CRYBG1: variants seen among roughly 807,000 people sequenced by gnomAD.
The protein encoded by CRYBG1 is beta/gamma crystallin domain-containing protein 1.
Under a neutral mutation model 189.2 loss-of-function variants are expected in CRYBG1, and 139 were observed. The observed-to-expected ratio is 0.73, with a 90% CI of 0.64 to 0.85. CRYBG1 has a LOEUF of 0.85. Ranked by LOEUF, CRYBG1 falls within the 40% of genes least tolerant of loss-of-function variation. The pLI, the probability that CRYBG1 is intolerant of heterozygous loss-of-function variation, is 0.00. For synonymous variants in CRYBG1, 1,023 were observed against 1,017.1 expected (o/e 1.01, Z -0.11); for missense variants, 2,611 against 2,675.8 (o/e 0.98, Z 0.53).
At chr6:106,407,977 G>C (rs1770856267) in intron 1 of CRYBG1, among the ~76,000 whole-genome samples, 1 of 151,634 alleles carries the variant, frequency 6.6e-6, no homozygotes, top group African/African-American at 2.4e-5. Context: ...GAAAAGCAAG[G>C]GCAAATAAAC....
chr6:106,563,344 G>A (rs1207439707), intron 20 of CRYBG1, among the ~76,000 whole-genome samples: 2 of 152,138 alleles, frequency 1.3e-5, no homozygotes, highest in Non-Finnish European at 2.9e-5. Flanking sequence ...GCCACCCAGT[G>A]CTACAAAATT....
chr6:106,468,318 A>C (rs1370925582), intron 2 of CRYBG1, among the ~76,000 whole-genome samples: 1 of 152,184 alleles, frequency 6.6e-6, no homozygotes, highest in Non-Finnish European at 1.5e-5. Context: ...AACGGCTGTC[A>C]AAGGGGTAGC....
chr6:106,440,639 C>T (rs574414461), intron 1 of CRYBG1, among the ~76,000 whole-genome samples: 7 of 152,278 alleles, frequency 4.6e-5, no homozygotes, highest in African/African-American at 1.7e-4. Flanking sequence ...CAGTTGATGG[C>T]TGTAAAGCCT....
chr6:106,415,589 G>A (rs114178801), intron 1 of CRYBG1, among the ~76,000 whole-genome samples: 7,802 of 152,034 alleles, frequency 0.051, 624 homozygotes, highest in African/African-American at 0.17. Flanking sequence ...AGCCAGGCAT[G>A]GTGGTATATA....
intron 3 of CRYBG1, among the ~76,000 whole-genome samples, chr6:106,518,894 G>A (rs1034316831): frequency 1.3e-5 from 2 of 152,024 alleles, no homozygotes; most frequent in Admixed American, 6.6e-5. Context: ...AGGAGTTCGA[G>A]GCTGCAGCAA....
intron 2 of CRYBG1, among the ~76,000 whole-genome samples, chr6:106,495,301 A>G (rs1772820364): frequency 6.6e-6 from 1 of 152,158 alleles, no homozygotes; most frequent in South Asian, 2.1e-4. Flanking sequence ...AGGATGAGAC[A>G]AGGGTAATTT....
intron 2 of CRYBG1, among the ~76,000 whole-genome samples, chr6:106,469,048 G>A (rs920805790): frequency 1.3e-5 from 2 of 152,148 alleles, no homozygotes; most frequent in Non-Finnish European, 2.9e-5. Context: ...CAGGCCCTGC[G>A]TGGCCTGGCT....
chr6:106,418,817 A>G (rs1771073794), intron 1 of CRYBG1, among the ~76,000 whole-genome samples: 1 of 152,236 alleles, frequency 6.6e-6, no homozygotes, highest in Admixed American at 6.5e-5. Flanking sequence ...AGTGAAAGAC[A>G]GAGAAAAGAG....
At chr6:106,567,434 C>A (rs1026363247) in intron 21 of CRYBG1, among the ~76,000 whole-genome samples, 26 of 152,210 alleles carry the variant, frequency 1.7e-4, no homozygotes, top group African/African-American at 6.3e-4. Flanking sequence ...TTTCCTTCCT[C>A]AACTATAATA....
intron 21 of CRYBG1, among the ~76,000 whole-genome samples, chr6:106,567,243 C>G (rs985454675): frequency 4.7e-5 from 7 of 148,992 alleles, no homozygotes; most frequent in Admixed American, 4.7e-4. Context: ...TGCTGTGTGT[C>G]TCTGTCTCGG....
In CRYBG1 at chr6:106,571,791, A is replaced by C; in HGVS notation, c.*3225A>C. ...AAGGAACAGCTTGAAAAAACTTCGA[A>C]TTTCTACTGACTACAGACAAATCCA... is the stretch of plus-strand genomic sequence containing the variant. On this transcript the variant is annotated 3_prime_UTR_variant, in exon 22 of 22. Transcript: ENST00000633556. 1 of 491,662 alleles carries C rather than the reference A, an allele frequency of 2.0e-6. No individual in the cohort carries two copies. The allele number at this position is 491,662 out of a possible 1,614,324, so 30.5% of individuals were successfully genotyped here.
chr6:106,394,363 A>C (rs188490368), intron 1 of CRYBG1, among the ~76,000 whole-genome samples: 1 of 152,294 alleles, frequency 6.6e-6, no homozygotes. Flanking sequence ...TCAATGTCTA[A>C]TTAATGTCTG....
At chr6:106,426,172 C>A (rs775704055) in intron 1 of CRYBG1, among the ~76,000 whole-genome samples, 4 of 152,186 alleles carry the variant, frequency 2.6e-5, no homozygotes, top group Non-Finnish European at 4.4e-5. Flanking sequence ...CCCGTGTCCT[C>A]AACTTTTCTC....
chr6:106,426,114 T>C lies in CRYBG1; in HGVS notation c.174-25580T>C, dbSNP rs532655736. Among the ~76,000 whole-genome samples the C allele has an allele frequency of 3.3e-5, 5 of 151,292 alleles. No individual in the cohort carries two copies. In the South Asian group the frequency reaches 8.3e-4, roughly 25 times the overall value. Reference sequence around the variant, plus strand: ...TGCTTTTTATTCTGAGAAAACTAAATATATCATATAGAATCCCACACCCAC... The same window carrying C: ...TGCTTTTTATTCTGAGAAAACTAAACATATCATATAGAATCCCACACCCAC... On this transcript the variant is annotated intron_variant, in intron 1 of 21. Transcript: ENST00000633556.
At position 106,535,093 on chromosome 6, in the gene CRYBG1, G is replaced by A. The variant is rs142069663; in HGVS notation, c.4719-4310G>A. Among the ~76,000 whole-genome samples, 750 of 152,218 alleles carry A rather than the reference G, an allele frequency of 4.9e-3. 7 individuals are homozygous for A. The highest frequency in any genetic ancestry group is 0.017 in the African/African-American group (726 of 41,518). On this transcript the variant is annotated intron_variant, in intron 8 of 21. Transcript: ENST00000633556. ...ATTTGACATATACAGAATAATATAT[G>A]TATATATGTGAACTATGAAGCCCAA...
At chr6:106,525,204 T>C (rs763334292) in intron 5 of CRYBG1, 24 bp downstream of exon 5, 5 of 1,614,016 alleles carry the variant, frequency 3.1e-6, no homozygotes, top group Middle Eastern at 1.7e-4. Context: ...CTGTTTCTAG[T>C]CTTGATTCTA....
At chr6:106,372,207 A>G (rs1037756405) in intron 1 of CRYBG1, among the ~76,000 whole-genome samples, 78 of 152,348 alleles carry the variant, frequency 5.1e-4, no homozygotes, top group African/African-American at 1.8e-3. Context: ...GAACAAACGT[A>G]TAAGTTGGTG....
intron 1 of CRYBG1, among the ~76,000 whole-genome samples, chr6:106,407,336 C>T (rs532074728): frequency 9.2e-5 from 14 of 152,274 alleles, no homozygotes; most frequent in African/African-American, 3.4e-4. Flanking sequence ...GAGGATCTAA[C>T]TATCCTAAAT....
intron 21 of CRYBG1, among the ~76,000 whole-genome samples, chr6:106,566,280 C>T (rs1774884925): frequency 6.6e-6 from 1 of 151,710 alleles, no homozygotes; most frequent in Non-Finnish European, 1.5e-5. Context: ...GAAGGAAGGA[C>T]ACCTCACTCC....
Sources: gnomAD v4.1 joint callset for allele counts (sites outside exome capture counted in the v4.1 genomes callset) on GRCh38, gnomAD v4.1.1 for gene constraint, MANE v1.5 for transcripts, NCBI Gene and HGNC (gene_info 2026-07-23, HGNC 2026-07-21) for gene names.